Variants in UTP20 observed in about 807,000 individuals in gnomAD.
UTP20 encodes small subunit processome component 20 homolog.
Under a neutral mutation model 329.5 loss-of-function variants are expected in UTP20, and 164 were observed. That is an observed-to-expected ratio of 0.50 (90% CI 0.44 to 0.57). The LOEUF is 0.57. Among genes scored for constraint, UTP20 ranks in the 20% least tolerant of loss-of-function variants. The pLI is 0.00. For synonymous variants in UTP20, 1,151 were observed against 1,159.3 expected (o/e 0.99, Z 0.14); for missense variants, 3,055 against 3,284.2 (o/e 0.93, Z 1.71).
intron 50 of UTP20, 125 bp downstream of exon 50, chr12:101,370,688 T>C (rs759986593): frequency 1.4e-4 from 160 of 1,110,136 alleles, no homozygotes; most frequent in Middle Eastern, 3.0e-4. Context: ...GTAAAGATTA[T>C]TATGATTTTG....
At chr12:101,370,011 C>A in intron 49 of UTP20, 120 bp downstream of exon 49, 12 of 855,118 alleles carry the variant, frequency 1.4e-5, no homozygotes, top group Non-Finnish European at 2.1e-5. Context: ...CCTAAGAGTT[C>A]AAGACCAGCT....
intron 38 of UTP20, among the ~76,000 whole-genome samples, chr12:101,349,261 T>TA (rs888310430): frequency 1.3e-5 from 2 of 152,102 alleles, no homozygotes; most frequent in South Asian, 2.1e-4. Flanking sequence ...TAACTGCTTT[T>TA]AAAAATGCAT....
At position 101,333,311 on chromosome 12, in the gene UTP20, G is replaced by C; in HGVS notation, c.3428G>C (p.Arg1143Thr). 1 of 1,613,240 alleles carries C rather than the reference G, an allele frequency of 6.2e-7. No individual in the cohort carries two copies. The highest frequency in any genetic ancestry group is 8.5e-7 in the Non-Finnish European group (1 of 1,179,674). ...ILDQREKIQL[R>T]FINPLKNLRR... is the part of the protein sequence containing the mutation. ...ATCTTTGTTTTACAGATACAGCTGA[G>C]ATTTATTAATCCATTGAAAAATTTA... The change falls in exon 28 of 62, where the codon AGA becomes ACA. Residue 1143 changes from arginine (R) to threonine (T), a missense_variant. By Grantham distance (71) the Arg-to-Thr change is moderately conservative (BLOSUM62 -1). Transcript: ENST00000261637.
At chr12:101,313,406 C>G (rs1872856728) in intron 21 of UTP20, among the ~76,000 whole-genome samples, 1 of 105,564 alleles carries the variant, frequency 9.5e-6, no homozygotes, top group African/African-American at 4.4e-5. Context: ...AGGACTTTGG[C>G]TCTTACTTTT....
Position 101,290,878 on chromosome 12 carries a change from A to C in UTP20, c.881A>C (p.Glu294Ala). 6.2e-7 allele frequency: 1 copy of C among 1,612,452 alleles called. No individual in the cohort carries two copies. Residue 294 changes from glutamate to alanine, a missense_variant, in exon 8 of 62, where the codon GAA (glutamate) becomes GCA (alanine). Transcript: ENST00000261637. ...ISKEHFGTFF[E>A]CLQESLLDLH... ...AAGGAACATTTTGGTACATTTTTTG[A>C]ATGTTTGCAAGTGAGTTCTAATCTT... is the stretch of plus-strand genomic sequence containing the variant.
chr12:101,381,020 G>A, intron 57 of UTP20, 120 bp from the exon 58 acceptor site: 1 of 784,006 alleles, frequency 1.3e-6, no homozygotes, highest in Non-Finnish European at 2.2e-6. Context: ...AATCTATACA[G>A]GTGGTCATTC....
intron 52 of UTP20, 126 bp downstream of exon 52, chr12:101,373,089 G>A: frequency 1.3e-6 from 1 of 776,212 alleles, no homozygotes; most frequent in Non-Finnish European, 2.1e-6. Context: ...ACTGTTATAT[G>A]ACTCATTGAC....
chr12:101,372,647 C>T (rs1313096323), intron 51 of UTP20, among the ~76,000 whole-genome samples: 1 of 152,208 alleles, frequency 6.6e-6, no homozygotes, highest in East Asian at 1.9e-4. Flanking sequence ...CAGTGGCAGG[C>T]CAGGGCTTGC....
At chr12:101,286,631 C>G in intron 5 of UTP20, 122 bp downstream of exon 5, 1 of 788,860 alleles carries the variant, frequency 1.3e-6, no homozygotes, top group Non-Finnish European at 1.8e-6. Context: ...AAAGTTGATT[C>G]TCCAGCCAAA....
chr12:101,301,595 G>C (rs1000234752), intron 14 of UTP20, among the ~76,000 whole-genome samples: 5 of 151,374 alleles, frequency 3.3e-5, no homozygotes, highest in African/African-American at 1.2e-4. Flanking sequence ...TTGAACCTGG[G>C]AAGTGGAGGT....
chr12:101,286,159 G>T lies in UTP20; in HGVS notation c.327-162G>T, dbSNP rs1871954396. The stretch of plus-strand genomic sequence containing the variant: ...ATGTAACTTCTTGCCTGATTTCTTT[G>T]CTGAGATCTTAAGATTTAAAGAATT... On this transcript the variant is annotated intron_variant, in intron 4 of 61. Coordinates refer to ENST00000261637, the MANE Select transcript of UTP20 (RefSeq NM_014503.3). Among the ~76,000 whole-genome samples the T allele has an allele frequency of 1.3e-5, 2 of 152,046 alleles. 1 individual carries two copies. Among genetic ancestry groups the T allele is most frequent in the Middle Eastern group, 6.3e-3 (2 of 316 alleles).
chr12:101,282,117 T>TAAG (rs1871820266), intron 2 of UTP20, among the ~76,000 whole-genome samples: 1 of 152,222 alleles, frequency 6.6e-6, no homozygotes, highest in Non-Finnish European at 1.5e-5. Context: ...GTTCGTAATA[T>TAAG]TCTTCTTTAC....
chr12:101,299,720 G>C lies in UTP20; in HGVS notation c.1469G>C (p.Arg490Thr). ...CAGAAGAAGACTAGATCCAAGGGAA[G>C]AAACGAACAGTTTCCAGTATTGGAC... ...IKQKKTRSKG[R>T]NEQFPVLDHL... Residue 490 changes from arginine (R) to threonine (T), a missense_variant, in exon 13 of 62, where the codon AGA becomes ACA. This residue lies in a region of UTP20 where 2,445 missense variants were observed against 2,575.5 expected (regional missense o/e 0.95). Coordinates refer to ENST00000261637, the MANE Select transcript of UTP20 (RefSeq NM_014503.3). 6.2e-7 allele frequency: 1 copy of C among 1,605,990 alleles called. No homozygotes were observed. Among genetic ancestry groups the C allele is most frequent in the Non-Finnish European group, 8.5e-7 (1 of 1,177,778 alleles).
At chr12:101,323,499 T>G (rs1378782148) in intron 25 of UTP20, among the ~76,000 whole-genome samples, 1 of 152,224 alleles carries the variant, frequency 6.6e-6, no homozygotes, top group Non-Finnish European at 1.5e-5. Flanking sequence ...TGTTATTATT[T>G]TTTGATTGTT....
intron 18 of UTP20, among the ~76,000 whole-genome samples, chr12:101,308,826 G>A (rs1017668126): frequency 1.3e-5 from 2 of 151,442 alleles, no homozygotes; most frequent in East Asian, 1.9e-4. Context: ...TCAGCCTCCC[G>A]GGTTCACACC....
chr12:101,324,427 C>T (rs1420548999), intron 25 of UTP20, among the ~76,000 whole-genome samples: 1 of 151,758 alleles, frequency 6.6e-6, no homozygotes, highest in Non-Finnish European at 1.5e-5. Flanking sequence ...TTTGTAGAGA[C>T]GGAGTTTCAC....
At chr12:101,293,111 G>A in intron 10 of UTP20, 57 bp from the exon 11 acceptor site, 1 of 1,542,510 alleles carries the variant, frequency 6.5e-7, no homozygotes, top group South Asian at 1.1e-5. Flanking sequence ...GCTTGCTGGG[G>A]GGATGGGGAA....
rs2121038798 is a variant in UTP20 at position 101,373,770 on chromosome 12, G to A, written c.7131+3G>A. On this transcript the variant is annotated splice_donor_region_variant and intron_variant, in intron 54 of 61. Coordinates refer to ENST00000261637, the MANE Select transcript of UTP20 (RefSeq NM_014503.3). ...CCACTTGGTTTGGAGCAAAAAAGGT[G>A]TGCGTTGCTTTTAGTCACAGTTCAG... 1 of 1,607,926 alleles carries A rather than the reference G, an allele frequency of 6.2e-7. No individual in the cohort carries two copies. The highest frequency in any genetic ancestry group is 1.1e-5 in the South Asian group (1 of 89,396).
At chr12:101,318,217 C>A (rs1429343567) in intron 22 of UTP20, among the ~76,000 whole-genome samples, 1 of 152,130 alleles carries the variant, frequency 6.6e-6, no homozygotes, top group Non-Finnish European at 1.5e-5. Flanking sequence ...TTGTTAGAAA[C>A]CTAAAAGAAG....
Sources: gnomAD v4.1 joint callset for allele counts (sites outside exome capture counted in the v4.1 genomes callset) on GRCh38, gnomAD v4.1.1 for gene constraint, gnomAD v4.1.1 regional missense constraint, MANE v1.5 for transcripts, NCBI Gene and HGNC (gene_info 2026-07-23, HGNC 2026-07-21) for gene names.